SLC35F4: variants seen among roughly 807,000 people sequenced by gnomAD.
SLC35F4 encodes the protein solute carrier family 35 member F4.
SLC35F4 carries 24 observed loss-of-function variants against 44.2 expected under a neutral mutation model. That is an observed-to-expected ratio of 0.54 (90% confidence interval 0.39 to 0.76). The LOEUF is 0.76. SLC35F4 is among the 30% of genes least tolerant of loss of function. The pLI, the probability that SLC35F4 is intolerant of heterozygous loss-of-function variation, is 0.00. For missense variants in SLC35F4, 562 were observed against 586.1 expected (o/e 0.96, Z 0.42); for synonymous variants, 238 against 223.6 (o/e 1.06, Z -0.57).
intron 1 of SLC35F4, among the ~76,000 whole-genome samples, chr14:57,708,961 C>G (rs1017819172): frequency 6.6e-6 from 1 of 152,128 alleles, no homozygotes; most frequent in African/African-American, 2.4e-5. Context: ...ATATCAGAGA[C>G]TTTTAGTACT....
chr14:57,600,684 T>C (rs2070765332), intron 1 of SLC35F4, among the ~76,000 whole-genome samples: 3 of 41,766 alleles, frequency 7.2e-5, no homozygotes, highest in Non-Finnish European at 8.6e-5. Flanking sequence ...AGAGCAAGAC[T>C]CCATCTCAAA....
chr14:57,868,888 A>G (rs1888238307), upstream of SLC35F4, among the ~76,000 whole-genome samples: 1 of 152,264 alleles, frequency 6.6e-6, no homozygotes, highest in Non-Finnish European at 1.5e-5. Context: ...ATTCTGAAAG[A>G]ATAAAGAAAA....
chr14:57,957,299 GC>G, intron 1 of SLC35F4, among the ~76,000 whole-genome samples: 1 of 152,036 alleles, frequency 6.6e-6, no homozygotes, highest in South Asian at 2.1e-4. Context: ...GGGGGTAGGG[GC>G]TAGGGGAGGG....
chr14:57,811,555 G>C (rs1475243482), intron 1 of SLC35F4, among the ~76,000 whole-genome samples: 1 of 152,156 alleles, frequency 6.6e-6, no homozygotes, highest in African/African-American at 2.4e-5. Context: ...AGCTTTTAAA[G>C]CACCTTCATA....
intron 1 of SLC35F4, among the ~76,000 whole-genome samples, chr14:57,729,169 C>T (rs1437562403): frequency 6.6e-6 from 1 of 152,096 alleles, no homozygotes; most frequent in South Asian, 2.1e-4. Context: ...GTTCTATAAC[C>T]CTCTTGTACT....
Position 57,766,562 on chromosome 14 carries a change from C to T in SLC35F4, c.103+99161G>A, listed in dbSNP as rs144065456. On this transcript the variant is annotated intron_variant, in intron 1 of 7. Transcript: ENST00000556826. Reference sequence around the variant, plus strand: ...GCAAAAGACAGCAAACCCTAGAACCCTTAAAGTAACTGGGGGACATTTGTG... The same window carrying T: ...GCAAAAGACAGCAAACCCTAGAACCTTTAAAGTAACTGGGGGACATTTGTG... Among the ~76,000 whole-genome samples the T allele has an allele frequency of 1.4e-4, 21 of 152,306 alleles. 2 individuals are homozygous for T. The highest frequency in any genetic ancestry group is 5.1e-4 in the African/African-American group (21 of 41,578).
intron 1 of SLC35F4, among the ~76,000 whole-genome samples, chr14:57,850,128 T>C (rs1285957913): frequency 6.6e-6 from 1 of 152,238 alleles, no homozygotes; most frequent in Non-Finnish European, 1.5e-5. Flanking sequence ...ACTCTCTGTA[T>C]GTGTATATGA....
intron 1 of SLC35F4, among the ~76,000 whole-genome samples, chr14:57,862,834 T>C (rs1191678097): frequency 6.6e-6 from 1 of 152,242 alleles, no homozygotes; most frequent in Non-Finnish European, 1.5e-5. Context: ...TACTAAATAA[T>C]TTATGTACTT....
intron 1 of SLC35F4, among the ~76,000 whole-genome samples, chr14:57,923,709 A>G (rs962334473): frequency 3.9e-5 from 6 of 152,314 alleles, no homozygotes; most frequent in African/African-American, 1.4e-4. Context: ...GATCTTTAGA[A>G]AGGATCTTCC....
chr14:57,665,459 C>A (rs974463647), intron 1 of SLC35F4, among the ~76,000 whole-genome samples: 1 of 152,150 alleles, frequency 6.6e-6, no homozygotes, highest in Non-Finnish European at 1.5e-5. Context: ...AAGGATGAGG[C>A]AACTAAAGTT....
chr14:57,908,908 T>C (rs1889161431), intron 1 of SLC35F4, among the ~76,000 whole-genome samples: 1 of 152,232 alleles, frequency 6.6e-6, no homozygotes, highest in African/African-American at 2.4e-5. Context: ...AGGATTTTTA[T>C]AGTTTTGGGT....
At chr14:57,585,116 G>GTTTT (rs1490050482) in intron 3 of SLC35F4, among the ~76,000 whole-genome samples, 1 of 152,102 alleles carries the variant, frequency 6.6e-6, no homozygotes, top group Non-Finnish European at 1.5e-5. Flanking sequence ...TTATAGCTGA[G>GTTTT]TTTTCATAGA....
intron 1 of SLC35F4, among the ~76,000 whole-genome samples, chr14:57,951,635 G>A (rs1010614926): frequency 3.3e-5 from 5 of 152,146 alleles, no homozygotes; most frequent in South Asian, 2.1e-4. Flanking sequence ...TTGAATAGGC[G>A]GTTTTCCCCT....
At chr14:57,908,896 C>A (rs896598568) in intron 1 of SLC35F4, among the ~76,000 whole-genome samples, 2 of 152,138 alleles carry the variant, frequency 1.3e-5, no homozygotes, top group Admixed American at 1.3e-4. Context: ...GGATTTTCTT[C>A]TAGGATTTTT....
intron 1 of SLC35F4, among the ~76,000 whole-genome samples, chr14:57,617,127 A>ATTTTT (rs1566688809): frequency 1.6e-5 from 1 of 64,092 alleles, no homozygotes. Flanking sequence ...AACTGTACTT[A>ATTTTT]TTCTTTTTTT....
intron 1 of SLC35F4, among the ~76,000 whole-genome samples, chr14:57,709,358 C>T (rs1320303284): frequency 6.6e-6 from 1 of 152,138 alleles, no homozygotes; most frequent in Non-Finnish European, 1.5e-5. Flanking sequence ...GTCTTCTGGT[C>T]ACTTCTCACT....
rs12889782 is a variant in SLC35F4 at position 57,962,683 on chromosome 14, C to T, written n.282+19230G>A. Among the ~76,000 whole-genome samples, 357 of 152,286 alleles carry T rather than the reference C, an allele frequency of 2.3e-3. 3 individuals carry two copies. The highest frequency in any genetic ancestry group is 3.9e-3 in the Non-Finnish European group (264 of 68,020). ...GAAACTTGGGAATCGCTTGGCCGTGCTTCTTTGCATAAAGAAAACTTCCCT... is the reference window on the plus strand; with the variant it reads ...GAAACTTGGGAATCGCTTGGCCGTGTTTCTTTGCATAAAGAAAACTTCCCT... On this transcript the variant is annotated intron_variant and non_coding_transcript_variant, in intron 1 of 1. Coordinates refer to the SLC35F4 transcript ENST00000556568.
intron 1 of SLC35F4, among the ~76,000 whole-genome samples, chr14:57,656,331 T>C (rs979297287): frequency 6.8e-6 from 1 of 146,530 alleles, no homozygotes; most frequent in Non-Finnish European, 1.5e-5. Context: ...CATATATGCT[T>C]GAGGACACAC....
At chr14:57,873,258 A>G (rs1195363202) in intron 1 of SLC35F4, among the ~76,000 whole-genome samples, 1 of 152,038 alleles carries the variant, frequency 6.6e-6, no homozygotes. Flanking sequence ...GCACCTCTCC[A>G]GTTGTGCTGT....
Sources: allele counts gnomAD v4.1 joint callset (sites outside exome capture counted in the v4.1 genomes callset), GRCh38; gene constraint gnomAD v4.1.1; transcripts MANE v1.5; gene names NCBI Gene and HGNC (gene_info 2026-07-23, HGNC 2026-07-21).